Variants in FBXL8 observed in about 807,000 individuals in gnomAD.
The protein encoded by FBXL8 is F-box/LRR-repeat protein 8.
In FBXL8, 13 loss-of-function variants were observed where a neutral mutation model predicts 8.2. The observed-to-expected ratio is 1.58, with a 90% CI of 1.03 to 2.51. FBXL8 has a LOEUF of 2.51. Ranked by LOEUF, FBXL8 falls within the 30% of genes most tolerant of loss-of-function variation. The pLI is 0.00. For missense variants in FBXL8, 565 were observed against 540.4 expected (o/e 1.05, Z -0.45); for synonymous variants, 271 against 260.5 (o/e 1.04, Z -0.39).
intron 2 of FBXL8, 163 bp from the exon 3 acceptor site, chr16:67,162,685 C>T (rs1478621071): frequency 4.4e-5 from 41 of 934,562 alleles, no homozygotes; most frequent in Non-Finnish European, 5.4e-5. Context: ...GGATAGGATG[C>T]GAGTTCCCTC....
In FBXL8 at chr16:67,164,136, G is replaced by T; in HGVS notation, c.*316G>T. The T allele has an allele frequency of 1.5e-6, 1 of 650,774 alleles. No homozygotes were observed. The highest frequency in any genetic ancestry group is 2.8e-6 in the Non-Finnish European group (1 of 355,618). The allele number at this position is 650,774 out of a possible 1,614,324, so 40.3% of individuals were successfully genotyped here. A position where few individuals can be genotyped will look rare whatever the true frequency, so the allele number is the denominator to read the frequency against. On this transcript the variant is annotated 3_prime_UTR_variant, in exon 3 of 3. Coordinates refer to ENST00000258200, the MANE Select transcript of FBXL8 (RefSeq NM_018378.3). Reference sequence around the variant, plus strand: ...GAGGGAGGGCACGGGCGCGGGCCGGGCCTCAAGGGTGAGTGTGAAATAAAC... The same window carrying T: ...GAGGGAGGGCACGGGCGCGGGCCGGTCCTCAAGGGTGAGTGTGAAATAAAC...
At position 67,163,851 on chromosome 16, in the gene FBXL8, A is replaced by G; in HGVS notation, c.*31A>G. ...CGACTTCTCTCCCCCGTCCCCGTGGACGTAAGCGCTCTGAGAGGGAACGGG... is the reference window on the plus strand; with the variant it reads ...CGACTTCTCTCCCCCGTCCCCGTGGGCGTAAGCGCTCTGAGAGGGAACGGG... On this transcript the variant is annotated 3_prime_UTR_variant, in exon 3 of 3. Coordinates refer to ENST00000258200, the MANE Select transcript of FBXL8 (RefSeq NM_018378.3). 3 of 1,516,646 alleles carry G rather than the reference A, an allele frequency of 2.0e-6. No homozygotes were observed. The highest frequency in any genetic ancestry group is 2.6e-6 in the Non-Finnish European group (3 of 1,143,006). The allele number at this position is 1,516,646 out of a possible 1,614,324, so 93.9% of individuals were successfully genotyped here.
rs117575136 is a variant in FBXL8 at position 67,161,939 on chromosome 16, T to C, written c.152+2T>C. 7,991 of 1,602,878 alleles carry C rather than the reference T, an allele frequency of 5.0e-3. 211 individuals are homozygous for C. In the East Asian group the frequency reaches 0.068, roughly 14 times the overall value. On this transcript the variant is annotated splice_donor_variant, in intron 2 of 2. Transcript: ENST00000258200. LOFTEE classifies it high-confidence loss of function. ...CGTGTGGCACGACACAAAAATCAGG[T>C]GAGCCTGCTCCTCCACACTCCTCTC...
At position 67,160,886 on chromosome 16, in the gene FBXL8, G is replaced by A. The variant is rs543793396; in HGVS notation, c.-52+830G>A. Reference sequence around the variant, plus strand: ...TCAGGGGTCGGAACTTAAATCTTGAGCCCCTCAGGCCCCAGAACCGTCAGG... The same window carrying A: ...TCAGGGGTCGGAACTTAAATCTTGAACCCCTCAGGCCCCAGAACCGTCAGG... On this transcript the variant is annotated intron_variant, in intron 1 of 2. Coordinates refer to ENST00000258200, the MANE Select transcript of FBXL8 (RefSeq NM_018378.3). Among the ~76,000 whole-genome samples, 6 of 152,264 alleles carry A rather than the reference G, an allele frequency of 3.9e-5. No individual in the cohort carries two copies. In the East Asian group the frequency reaches 7.7e-4, roughly 20 times the overall value.
At position 67,163,798 on chromosome 16, in the gene FBXL8, G is replaced by C; in HGVS notation, c.1103G>C (p.Trp368Ser). ...TLKLTREPHP[W>S]RPTLVA The stretch of plus-strand genomic sequence containing the variant: ...AAGCTCACGCGCGAGCCGCATCCCT[G>C]GAGGCCTACGCTCGTGGCGTGATTG... Residue 368 changes from tryptophan (W) to serine (S), a missense_variant, in exon 3 of 3, where the codon TGG becomes TCG. Physicochemically the swap from Trp to Ser is radical, Grantham distance 177. Coordinates refer to ENST00000258200, the MANE Select transcript of FBXL8 (RefSeq NM_018378.3). 1 of 1,563,022 alleles carries C rather than the reference G, an allele frequency of 6.4e-7. No individual in the cohort carries two copies. The highest frequency in any genetic ancestry group is 8.6e-7 in the Non-Finnish European group (1 of 1,162,302).
chr16:67,163,801 GGC>G lies in FBXL8; in HGVS notation c.1107_1108del (p.Arg369SerfsTer35). Reference sequence around the variant, plus strand: ...CTCACGCGCGAGCCGCATCCCTGGAGGCCTACGCTCGTGGCGTGATTGGGCGA... The same window carrying G: ...CTCACGCGCGAGCCGCATCCCTGGAGCTACGCTCGTGGCGTGATTGGGCGA... On this transcript the variant is annotated frameshift_variant, in exon 3 of 3. Coordinates refer to ENST00000258200, the MANE Select transcript of FBXL8 (RefSeq NM_018378.3). LOFTEE classifies it high-confidence loss of function. 1 of 1,558,814 alleles carries G rather than the reference GGC, an allele frequency of 6.4e-7. No individual in the cohort carries two copies. Among genetic ancestry groups the G allele is most frequent in the Non-Finnish European group, 8.6e-7 (1 of 1,159,940 alleles).
chr16:67,162,293 C>A (rs2030941216), intron 2 of FBXL8: 1 of 433,964 alleles, frequency 2.3e-6, no homozygotes, highest in Non-Finnish European at 4.2e-6. Flanking sequence ...GGCACCACTG[C>A]ACTCCAGCTT....
chr16:67,164,116 A>AG lies in FBXL8; in HGVS notation c.*299dup, dbSNP rs2031065292. 3.0e-6 allele frequency: 2 copies of AG among 670,098 alleles called. No homozygotes were observed. The highest frequency in any genetic ancestry group is 5.5e-6 in the Non-Finnish European group (2 of 366,710). The allele number at this position is 670,098 out of a possible 1,614,324, so 41.5% of individuals were successfully genotyped here. ...CCGCGGCCCCGGCGCAGGGAGAGGG[A>AG]GGGCACGGGCGCGGGCCGGGCCTCA... On this transcript the variant is annotated 3_prime_UTR_variant, in exon 3 of 3. Coordinates refer to ENST00000258200, the MANE Select transcript of FBXL8 (RefSeq NM_018378.3).
chr16:67,163,601 C>G lies in FBXL8; in HGVS notation c.906C>G (p.Thr302=). 5 of 1,574,568 alleles carry G rather than the reference C, an allele frequency of 3.2e-6. No homozygotes were observed. The highest frequency in any genetic ancestry group is 2.6e-6 in the Non-Finnish European group (3 of 1,169,464). ...TCGCAGCACACCACTACGCCGCAAC[C>G]CTGTGCGCGCTCGAGGTGCGCGCAG... The part of the protein sequence containing the change: ...VRFAAHHYAA[T]LCALEVRAAA... The change falls in exon 3 of 3, where the codon ACC becomes ACG. Residue 302 remains threonine, a synonymous_variant. Transcript: ENST00000258200.
intron 1 of FBXL8, among the ~76,000 whole-genome samples, chr16:67,161,445 A>AG (rs2030895874): frequency 6.8e-6 from 1 of 147,410 alleles, no homozygotes. Flanking sequence ...CTGTCTCAAA[A>AG]AAAAAGAAAA....
chr16:67,161,927 AC>A lies in FBXL8; in HGVS notation c.143del (p.Thr48LysfsTer46), dbSNP rs1253604212. ...TACCTGCAGCGCCGTGTGGCACGAC[AC>A]AAAAATCAGGTGAGCCTGCTCCTCC... ...AATCSAVWHD[T>X]KISCECELEG... On this transcript the variant is annotated frameshift_variant, in exon 2 of 3. Transcript: ENST00000258200. LOFTEE classifies it low-confidence loss of function (END_TRUNC). 1.2e-6 allele frequency: 2 copies of A among 1,607,424 alleles called. No homozygotes were observed. The highest frequency in any genetic ancestry group is 3.4e-5 in the Admixed American group (2 of 59,628).
chr16:67,160,188 A>C (rs1192631287), intron 1 of FBXL8, 132 bp downstream of exon 1: 1 of 151,974 alleles, frequency 6.6e-6, no homozygotes, highest in Non-Finnish European at 1.5e-5. Flanking sequence ...CCCCCTGGAG[A>C]CCAGAATTTT....
At position 67,163,509 on chromosome 16, in the gene FBXL8, C is replaced by T. The variant is rs1467802626; in HGVS notation, c.814C>T (p.Gln272Ter). The T allele has an allele frequency of 1.9e-6, 3 of 1,548,286 alleles. No homozygotes were observed. In the East Asian group the frequency reaches 7.3e-5, roughly 38 times the overall value. Residue 272 changes from glutamine to a stop codon, truncating the protein, a stop_gained, in exon 3 of 3, where the codon CAG (glutamine) becomes TAG (stop). Transcript: ENST00000258200. LOFTEE classifies it high-confidence loss of function. ...CGCTGAGAGCGTGACGCGCGTCCTG[C>T]AGCCAGCCGTCCCCGTGGCTGCGCT... ...LPAESVTRVL[Q>*]PAVPVAALRL...
intron 2 of FBXL8, 28 bp from the exon 3 acceptor site, chr16:67,162,820 G>C (rs1726332432): frequency 1.9e-6 from 3 of 1,549,616 alleles, no homozygotes; most frequent in Non-Finnish European, 2.6e-6. Flanking sequence ...ACTCAGCTGA[G>C]GCCTTTTCTG....
rs1447695815 is a variant in FBXL8, at chr16:67,164,047, C to A, written c.*227C>A. On this transcript the variant is annotated 3_prime_UTR_variant, in exon 3 of 3. Coordinates refer to ENST00000258200, the MANE Select transcript of FBXL8 (RefSeq NM_018378.3). The stretch of plus-strand genomic sequence containing the variant: ...CCCCACCCGCTCGGTCCTGGACACA[C>A]TGCCCCCCTCTCTTGCCTCCACCCC... The A allele has an allele frequency of 4.2e-6, 3 of 717,080 alleles. No homozygotes were observed. The highest frequency in any genetic ancestry group is 4.0e-5 in the Admixed American group (2 of 49,860). The allele number at this position is 717,080 out of a possible 1,614,324, so 44.4% of individuals were successfully genotyped here. A position where few individuals can be genotyped will look rare whatever the true frequency, so the allele number is the denominator to read the frequency against.
rs936318443 is a variant in FBXL8 at position 67,163,476 on chromosome 16, G to C, written c.781G>C (p.Ala261Pro). The change falls in exon 3 of 3, where the codon GCG becomes CCG. Residue 261 changes from alanine (A) to proline (P), a missense_variant. Transcript: ENST00000258200. ...GGCAGTGGAGCTGGAGCTGGAGCCC[G>C]CGCTGCCCGCTGAGAGCGTGACGCG... ...GLAVELELEP[A>P]LPAESVTRVL... The C allele has an allele frequency of 5.9e-6, 9 of 1,536,158 alleles. No individual in the cohort carries two copies. Among genetic ancestry groups the C allele is most frequent in the Admixed American group, 1.9e-5 (1 of 51,328 alleles).
chr16:67,163,777 T>G lies in FBXL8; in HGVS notation c.1082T>G (p.Leu361Arg), dbSNP rs1290781398. 1 of 1,570,496 alleles carries G rather than the reference T, an allele frequency of 6.4e-7. No individual in the cohort carries two copies. Among genetic ancestry groups the G allele is most frequent in the Admixed American group, 1.9e-5 (1 of 53,756 alleles). ...CPRLRTYTLK[L>R]TREPHPWRPT... ...CGCCTGCGCACCTATACCCTCAAGC[T>G]CACGCGCGAGCCGCATCCCTGGAGG... The change falls in exon 3 of 3, where the codon CTC (leucine) becomes CGC (arginine). Residue 361 changes from leucine (L) to arginine (R), a missense_variant. Coordinates refer to ENST00000258200, the MANE Select transcript of FBXL8 (RefSeq NM_018378.3).
rs889942286 is a variant in FBXL8, at chr16:67,162,968, G to A, written c.273G>A (p.Glu91=). ...AGCCGAGCCGCCGGGCGGCCATCGA[G>A]CTGCTGATGGTTCTGGCGGGCCGTG... The part of the protein sequence containing the change: ...SRKPSRRAAI[E]LLMVLAGRAP... Residue 91 remains glutamate (E), a synonymous_variant, in exon 3 of 3, where the codon GAG becomes GAA. Coordinates refer to ENST00000258200, the MANE Select transcript of FBXL8 (RefSeq NM_018378.3). 1 of 1,561,680 alleles carries A rather than the reference G, an allele frequency of 6.4e-7. No individual in the cohort carries two copies. Among genetic ancestry groups the A allele is most frequent in the South Asian group, 1.2e-5 (1 of 84,986 alleles).
Position 67,163,310 on chromosome 16 carries a change from C to T in FBXL8, c.615C>T (p.His205=). 1.9e-6 allele frequency: 3 copies of T among 1,574,880 alleles called. No individual in the cohort carries two copies. The highest frequency in any genetic ancestry group is 1.3e-5 in the African/African-American group (1 of 74,388). ...ALGLHLASLS[H]AILEALAAPD... Reference sequence around the variant, plus strand: ...GCCTGCACCTAGCCAGTTTGTCGCACGCCATCCTCGAAGCACTGGCGGCGC... The same window carrying T: ...GCCTGCACCTAGCCAGTTTGTCGCATGCCATCCTCGAAGCACTGGCGGCGC... Residue 205 remains histidine, a synonymous_variant, in exon 3 of 3, where the codon CAC becomes CAT. Transcript: ENST00000258200.
Sources: allele counts gnomAD v4.1 joint callset (sites outside exome capture counted in the v4.1 genomes callset), GRCh38; gene constraint gnomAD v4.1.1; transcripts MANE v1.5; gene names NCBI Gene and HGNC (gene_info 2026-07-23, HGNC 2026-07-21).